Variants in NRG1 observed in about 807,000 individuals in gnomAD.
NRG1 encodes pro-neuregulin-1, membrane-bound isoform.
In NRG1, 18 loss-of-function variants were observed where a neutral mutation model predicts 63.8. The observed-to-expected ratio is 0.28, with a 90% CI of 0.19 to 0.42. The LOEUF is 0.42. Among genes scored for constraint, NRG1 ranks in the 10% least tolerant of loss-of-function variants. The probability of loss-of-function intolerance (pLI) is 1.00; values close to 1 mark genes in which losing one functional copy is unlikely to be tolerated. For synonymous variants in NRG1, 302 were observed against 301.3 expected (o/e 1.00, Z -0.02); for missense variants, 762 against 814.7 (o/e 0.94, Z 0.79).
intron 1 of NRG1, among the ~76,000 whole-genome samples, chr8:32,193,472 A>T (rs1230275878): frequency 6.6e-6 from 1 of 152,194 alleles, no homozygotes; most frequent in East Asian, 1.9e-4. Flanking sequence ...TGGAGTGCTG[A>T]TGCTAAAGAA....
At chr8:32,659,146 CTT>C (rs11408766) in intron 5 of NRG1, among the ~76,000 whole-genome samples, 8 of 136,016 alleles carry the variant, frequency 5.9e-5, no homozygotes, top group Non-Finnish European at 7.8e-5. Context: ...CTTTTCTTTT[CTT>C]TTTTTTTTTT....
intron 5 of NRG1, among the ~76,000 whole-genome samples, chr8:32,619,455 A>C (rs1847950853): frequency 6.6e-6 from 1 of 152,158 alleles, no homozygotes; most frequent in Admixed American, 6.5e-5. Context: ...ATTGGTATTT[A>C]ATGGAATCAC....
chr8:32,304,942 G>T (rs898173817), intron 1 of NRG1, among the ~76,000 whole-genome samples: 5 of 152,184 alleles, frequency 3.3e-5, no homozygotes, highest in Middle Eastern at 3.4e-3. Context: ...TTGAACCCAG[G>T]AGGCGGAGGT....
intron 1 of NRG1, among the ~76,000 whole-genome samples, chr8:32,015,929 C>T (rs2130074171): frequency 6.6e-6 from 1 of 151,230 alleles, no homozygotes; most frequent in East Asian, 1.9e-4. Flanking sequence ...TTTTCAAATA[C>T]AATATAAGAA....
Position 32,401,903 on chromosome 8 carries a change from G to T in NRG1, c.38-193925G>T, listed in dbSNP as rs561045639. ...ACCTAAAATAAAAGTTGTTTGTTTG[G>T]TTTTTTTGTTTGTTTGTTTGTTTTG... On this transcript the variant is annotated intron_variant, in intron 1 of 10. Coordinates refer to the NRG1 transcript ENST00000519301. Among the ~76,000 whole-genome samples the T allele has an allele frequency of 1.8e-3, 271 of 152,068 alleles. 1 individual carries two copies. The highest frequency in any genetic ancestry group is 6.2e-3 in the African/African-American group (258 of 41,484).
chr8:31,959,828 T>C (rs995747801), intron 1 of NRG1, among the ~76,000 whole-genome samples: 4 of 144,154 alleles, frequency 2.8e-5, no homozygotes, highest in African/African-American at 1.0e-4. Context: ...TTTATTTATT[T>C]ATTTATTTAT....
intron 1 of NRG1, among the ~76,000 whole-genome samples, chr8:31,859,114 T>C (rs1327531322): frequency 6.6e-6 from 1 of 152,224 alleles, no homozygotes; most frequent in Non-Finnish European, 1.5e-5. Flanking sequence ...TATAAAATGA[T>C]TTAAAATTCA....
At chr8:32,301,334 G>A (rs1017274277) in intron 1 of NRG1, among the ~76,000 whole-genome samples, 2 of 152,232 alleles carry the variant, frequency 1.3e-5, no homozygotes, top group Admixed American at 1.3e-4. Flanking sequence ...GTTATATGTT[G>A]GCATTTTGGA....
At chr8:31,959,351 A>G (rs921352296) in intron 1 of NRG1, among the ~76,000 whole-genome samples, 1 of 152,230 alleles carries the variant, frequency 6.6e-6, no homozygotes, top group Non-Finnish European at 1.5e-5. Flanking sequence ...TTATTAAAAC[A>G]TATATGTATT....
chr8:31,947,537 T>A (rs327363), intron 1 of NRG1, among the ~76,000 whole-genome samples: 1 of 151,952 alleles, frequency 6.6e-6, no homozygotes, highest in Non-Finnish European at 1.5e-5. Context: ...ACATTTGAAC[T>A]CTGTTCACAT....
intron 1 of NRG1, among the ~76,000 whole-genome samples, chr8:31,677,262 G>T (rs543597275): frequency 6.9e-4 from 105 of 152,078 alleles, no homozygotes; most frequent in South Asian, 1.9e-3. Flanking sequence ...CTTAAGACAT[G>T]TTTAAAAGTC....
intron 1 of NRG1, among the ~76,000 whole-genome samples, chr8:32,542,139 A>G (rs1168493245): frequency 6.6e-6 from 1 of 152,212 alleles, no homozygotes; most frequent in Admixed American, 6.5e-5. Context: ...AATGAAGCCA[A>G]TGAATGTAAT....
At chr8:31,662,975 G>GC (rs1806152382) in intron 1 of NRG1, among the ~76,000 whole-genome samples, 1 of 152,150 alleles carries the variant, frequency 6.6e-6, no homozygotes, top group African/African-American at 2.4e-5. Flanking sequence ...CTGTGGCCAA[G>GC]CCCTGCCTGG....
chr8:31,987,397 GAATACTATGCAGCCATAAAAAAGAATGA>G (rs1188732794), intron 1 of NRG1, among the ~76,000 whole-genome samples: 1 of 148,984 alleles, frequency 6.7e-6, no homozygotes, highest in African/African-American at 2.5e-5. Flanking sequence ...GTTAGTCATG[GAATACTATGCAGCCATAAAAAAGAATGA>G]AATCATGTCC....
chr8:32,032,546 A>G (rs1044708897), intron 1 of NRG1, among the ~76,000 whole-genome samples: 1 of 152,292 alleles, frequency 6.6e-6, no homozygotes, highest in East Asian at 1.9e-4. Flanking sequence ...GGTTACAGGC[A>G]TGAGCTGCCT....
chr8:31,642,727 A>C (rs1803915902), intron 1 of NRG1, among the ~76,000 whole-genome samples: 1 of 152,128 alleles, frequency 6.6e-6, no homozygotes, highest in South Asian at 2.1e-4. Flanking sequence ...AGAAATCACA[A>C]AGTTACTGCC....
At chr8:31,832,948 T>A (rs576082360) in intron 1 of NRG1, among the ~76,000 whole-genome samples, 6 of 152,262 alleles carry the variant, frequency 3.9e-5, no homozygotes, top group Non-Finnish European at 7.4e-5. Context: ...GAACTGTCTC[T>A]TTAGGATGAA....
intron 1 of NRG1, among the ~76,000 whole-genome samples, chr8:31,659,773 G>A (rs1331439635): frequency 6.6e-6 from 1 of 152,192 alleles, no homozygotes; most frequent in East Asian, 1.9e-4. Context: ...CTGAGAGCAG[G>A]ATTTTTGCAT....
chr8:31,738,943 A>G (rs1271588734), intron 1 of NRG1, among the ~76,000 whole-genome samples: 1 of 152,018 alleles, frequency 6.6e-6, no homozygotes, highest in Non-Finnish European at 1.5e-5. Flanking sequence ...TTATTTCCAA[A>G]TAAGGTCACA....
Sources: gnomAD v4.1 joint callset for allele counts (sites outside exome capture counted in the v4.1 genomes callset) on GRCh38, gnomAD v4.1.1 for gene constraint, MANE v1.5 for transcripts, NCBI Gene and HGNC (gene_info 2026-07-23, HGNC 2026-07-21) for gene names.